The following NCOR2 variants were observed in gnomAD, a reference collection of about 807,000 sequenced individuals.
The protein encoded by NCOR2 is CTG repeat protein 26.
Under a neutral mutation model 262.9 loss-of-function variants are expected in NCOR2, and 81 were observed. The ratio of observed to expected loss-of-function variants is 0.31; its 90% CI spans 0.26 to 0.37. NCOR2 has a LOEUF of 0.37. Among genes scored for constraint, NCOR2 ranks in the 10% least tolerant of loss-of-function variants. The pLI is 1.00. For synonymous variants in NCOR2, 1,659 were observed against 1,559.3 expected (o/e 1.06, Z -1.51); for missense variants, 3,385 against 3,621.4 (o/e 0.93, Z 1.68).
chr12:124,515,738 G>A (rs942416082), intron 1 of NCOR2, among the ~76,000 whole-genome samples: 2 of 149,206 alleles, frequency 1.3e-5, no homozygotes. Context: ...GTTCACAAGT[G>A]TGCGTGTGAG....
upstream of NCOR2, among the ~76,000 whole-genome samples, chr12:124,499,580 C>T (rs760813774): frequency 8.5e-5 from 13 of 152,172 alleles, no homozygotes; most frequent in East Asian, 1.2e-3. Flanking sequence ...GGGGGGTGAG[C>T]GCAGGCTTGG....
At chr12:124,485,092 G>A (rs976772699) in intron 2 of NCOR2, among the ~76,000 whole-genome samples, 1 of 152,220 alleles carries the variant, frequency 6.6e-6, no homozygotes, top group Non-Finnish European at 1.5e-5. Context: ...ATTACATGGG[G>A]CTTGGCAGGA....
At chr12:124,404,755 G>A (rs571852054) in intron 13 of NCOR2, among the ~76,000 whole-genome samples, 102 of 152,196 alleles carry the variant, frequency 6.7e-4, no homozygotes, top group Admixed American at 1.3e-3. Flanking sequence ...AGCTGACTAT[G>A]TGCCCAGCAC....
chr12:124,565,222 G>C (rs940985053), intron 1 of NCOR2, among the ~76,000 whole-genome samples: 1 of 152,108 alleles, frequency 6.6e-6, no homozygotes, highest in Non-Finnish European at 1.5e-5. Flanking sequence ...AGTGGGAAGA[G>C]GCCAGGGCTG....
At position 124,477,073 on chromosome 12, in the gene NCOR2, G is replaced by A. The variant is rs114506498; in HGVS notation, c.412-3942C>T. On this transcript the variant is annotated intron_variant, in intron 3 of 46. Transcript: ENST00000405201. The stretch of plus-strand genomic sequence containing the variant: ...AATCCAGAGAGATGGACAGTGATTC[G>A]TGGTTGCCAGGAAAAAGGAGGAGGG... Among the ~76,000 whole-genome samples the A allele has an allele frequency of 4.5e-3, 679 of 152,204 alleles. 4 individuals are homozygous for A. Among genetic ancestry groups the A allele is most frequent in the African/African-American group, 0.016 (655 of 41,500 alleles).
At chr12:124,396,679 C>T (rs1020236048) in intron 16 of NCOR2, among the ~76,000 whole-genome samples, 7 of 151,960 alleles carry the variant, frequency 4.6e-5, no homozygotes, top group Admixed American at 2.6e-4. Context: ...GCCTGGGGGG[C>T]GGAGGGCAGA....
rs1456205287 is a variant in NCOR2 at position 124,378,401 on chromosome 12, C to A, written c.2020-17G>T. 34 of 1,604,686 alleles carry A rather than the reference C, an allele frequency of 2.1e-5. No individual in the cohort carries two copies. Among genetic ancestry groups the A allele is most frequent in the Non-Finnish European group, 2.4e-5 (28 of 1,176,996 alleles). On this transcript the variant is annotated splice_polypyrimidine_tract_variant and intron_variant, in intron 17 of 46. Transcript: ENST00000405201. The surrounding 1 kb of genome is among the most constrained non-coding windows in gnomAD (Gnocchi z 4.2). The stretch of plus-strand genomic sequence containing the variant: ...CTCCTTCTCCTGGGGCACAGGGAAG[C>A]AGCAGATCAGGACTGGGGCCTGGGC...
intron 16 of NCOR2, among the ~76,000 whole-genome samples, chr12:124,387,625 A>G (rs1433840838): frequency 6.6e-6 from 1 of 152,168 alleles, no homozygotes; most frequent in African/African-American, 2.4e-5. Flanking sequence ...GTGGCCTCAC[A>G]GCCCGCTCCT....
intron 13 of NCOR2, among the ~76,000 whole-genome samples, chr12:124,405,859 G>A (rs767203310): frequency 2.6e-5 from 4 of 152,182 alleles, no homozygotes; most frequent in Non-Finnish European, 4.4e-5. Flanking sequence ...TCTTGGGCCT[G>A]TCCATAGAGC....
intron 29 of NCOR2, 76 bp downstream of exon 31, chr12:124,348,098 C>T: frequency 1.3e-6 from 2 of 1,591,510 alleles, no homozygotes; most frequent in Non-Finnish European, 1.7e-6. Flanking sequence ...GTTTCCCCAT[C>T]TGTAAAACGG....
chr12:124,338,680 T>G (rs2036110009), intron 37 of NCOR2, among the ~76,000 whole-genome samples: 3 of 151,956 alleles, frequency 2.0e-5, no homozygotes, highest in Non-Finnish European at 1.5e-5. Flanking sequence ...GGGACACCTC[T>G]TTTCCTTGCT....
chr12:124,349,258 G>C (rs2037220680), intron 28 of NCOR2, among the ~76,000 whole-genome samples: 1 of 152,192 alleles, frequency 6.6e-6, no homozygotes, highest in Non-Finnish European at 1.5e-5. Context: ...CATCTAGCCA[G>C]GGCTCTCCTT....
At chr12:124,458,278 C>T (rs749575698) in intron 5 of NCOR2, among the ~76,000 whole-genome samples, 20 of 152,320 alleles carry the variant, frequency 1.3e-4, no homozygotes, top group Non-Finnish European at 2.4e-4. Flanking sequence ...CCAAGATCTC[C>T]TCGCAGGGCG....
chr12:124,566,785 G>T lies in NCOR2; in HGVS notation c.-165+523C>A, dbSNP rs1414887801. Among the ~76,000 whole-genome samples, 1 of 152,122 alleles carries T rather than the reference G, an allele frequency of 6.6e-6. No individual in the cohort carries two copies. The highest frequency in any genetic ancestry group is 2.4e-5 in the African/African-American group (1 of 41,430). Reference sequence around the variant, plus strand: ...CCCGCCCAGCGCCCCGTGGCCCCACGCCTAGGAGGGACAAGGCTGGCTCTC... The same window carrying T: ...CCCGCCCAGCGCCCCGTGGCCCCACTCCTAGGAGGGACAAGGCTGGCTCTC... On this transcript the variant is annotated intron_variant, in intron 1 of 32. Transcript: ENST00000458234. The surrounding 1 kb of genome is among the most constrained non-coding windows in gnomAD (Gnocchi z 4.3).
At chr12:124,459,686 T>C (rs1303095575) in intron 5 of NCOR2, among the ~76,000 whole-genome samples, 2 of 152,096 alleles carry the variant, frequency 1.3e-5, no homozygotes, top group East Asian at 1.9e-4. Context: ...CCTTCCCTCT[T>C]TGAATGCAGA....
chr12:124,365,696 C>T (rs1039180936), intron 20 of NCOR2, among the ~76,000 whole-genome samples: 4 of 151,970 alleles, frequency 2.6e-5, no homozygotes, highest in East Asian at 1.9e-4. Context: ...GCACCTCCAC[C>T]GCCCCCACCG....
rs1222972444 is a variant in NCOR2, at chr12:124,461,119, C to T, written c.706-3957G>A. Among the ~76,000 whole-genome samples the T allele has an allele frequency of 4.6e-5, 7 of 152,268 alleles. No homozygotes were observed. In the East Asian group the frequency reaches 1.3e-3, roughly 29 times the overall value. ...GGCTGGAATTCAGGGGACTCAGCCC[C>T]AACCTGGGGGAGAAGGGAAACAGGC... On this transcript the variant is annotated intron_variant, in intron 5 of 46. Coordinates refer to ENST00000405201, the Ensembl canonical transcript of NCOR2.
At position 124,548,653 on chromosome 12, in the gene NCOR2, C is replaced by T. The variant is rs1366174610; in HGVS notation, c.-164-13042G>A. On this transcript the variant is annotated intron_variant, in intron 1 of 32. Transcript: ENST00000458234. This position sits in a 1 kb window ranked among gnomAD's most constrained non-coding sequence, Gnocchi z 5.1. ...TCTTTACTGTTCCTGTTATTTTTTT[C>T]TGTGCTGTTAGGGCGGGGCGGGGGA... 2.6e-5 allele frequency among the ~76,000 whole-genome samples: 4 copies of T among 151,866 alleles called. No homozygotes were observed. Among genetic ancestry groups the T allele is most frequent in the Non-Finnish European group, 5.9e-5 (4 of 67,952 alleles).
At chr12:124,558,991 C>T (rs2051979399) in intron 1 of NCOR2, among the ~76,000 whole-genome samples, 1 of 152,172 alleles carries the variant, frequency 6.6e-6, no homozygotes, top group African/African-American at 2.4e-5. Flanking sequence ...CACGGAAAAC[C>T]AAGTGAACCC....
Sources: gnomAD v4.1 joint callset for allele counts (sites outside exome capture counted in the v4.1 genomes callset) on GRCh38, gnomAD v4.1.1 for gene constraint, Gnocchi (gnomAD v3.1) non-coding constraint, MANE v1.5 for transcripts, NCBI Gene and HGNC (gene_info 2026-07-23, HGNC 2026-07-21) for gene names.